The following ZSWIM6 variants were observed in gnomAD, a reference collection of about 807,000 sequenced individuals.
ZSWIM6 encodes zinc finger SWIM domain-containing protein 6.
In ZSWIM6, 9 loss-of-function variants were observed where a neutral mutation model predicts 113.2. The ratio of observed to expected loss-of-function variants is 0.08; its 90% CI spans 0.05 to 0.14. ZSWIM6 has a LOEUF of 0.14. ZSWIM6 is among the 10% of genes least tolerant of loss of function. The probability of loss-of-function intolerance (pLI) is 1.00; values close to 1 mark genes in which losing one functional copy is unlikely to be tolerated. For synonymous variants in ZSWIM6, 611 were observed against 606.5 expected, an observed-to-expected ratio of 1.01 and a Z score of -0.11; for missense variants, 1,162 against 1,552.2, an observed-to-expected ratio of 0.75 and a Z score of 4.22.
rs1029387782 is a variant in ZSWIM6, at chr5:61,494,526, C to T, written c.1333+116C>T. 17 of 1,327,830 alleles carry T rather than the reference C, an allele frequency of 1.3e-5. 1 individual carries two copies. Among genetic ancestry groups the T allele is most frequent in the South Asian group, 2.8e-5 (2 of 71,716 alleles). The allele number at this position is 1,327,830 out of a possible 1,614,324, so 82.3% of individuals were successfully genotyped here. On this transcript the variant is annotated intron_variant, in intron 4 of 13. Transcript: ENST00000252744. ...AAGAGAGAGCTGCTCATGCATGGAA[C>T]GTGTTGCCAATATATAGGTTAGAAG...
intron 1 of ZSWIM6, among the ~76,000 whole-genome samples, chr5:61,341,751 A>G (rs1366769554): frequency 6.6e-6 from 1 of 152,088 alleles, no homozygotes; most frequent in African/African-American, 2.4e-5. Flanking sequence ...GTTTTTGTCA[A>G]CGTGCCTCCT....
intron 1 of ZSWIM6, among the ~76,000 whole-genome samples, chr5:61,420,690 C>T (rs1241748272): frequency 6.6e-6 from 1 of 151,868 alleles, no homozygotes; most frequent in African/African-American, 2.4e-5. Context: ...TTTGTGGGTA[C>T]ATAGTGAGTA....
At chr5:61,523,352 G>A (rs1284757259) in intron 5 of ZSWIM6, among the ~76,000 whole-genome samples, 1 of 152,206 alleles carries the variant, frequency 6.6e-6, no homozygotes, top group African/African-American at 2.4e-5. Flanking sequence ...TCCAGGCTCT[G>A]CCTCTGCTGA....
At chr5:61,392,276 T>C (rs1212741080) in intron 1 of ZSWIM6, among the ~76,000 whole-genome samples, 1 of 152,258 alleles carries the variant, frequency 6.6e-6, no homozygotes, top group Non-Finnish European at 1.5e-5. Context: ...CCAAACTGGC[T>C]ACAGACATGC....
chr5:61,417,011 A>G (rs926543361), intron 1 of ZSWIM6, among the ~76,000 whole-genome samples: 2 of 152,162 alleles, frequency 1.3e-5, no homozygotes, highest in African/African-American at 4.8e-5. Context: ...GCGTAGTGGC[A>G]CATGCTTGTA....
At chr5:61,343,081 T>TAAATTAAATATCTCATTAAA (rs1343773824) in intron 1 of ZSWIM6, among the ~76,000 whole-genome samples, 1 of 152,228 alleles carries the variant, frequency 6.6e-6, no homozygotes, top group Admixed American at 6.5e-5. Flanking sequence ...ATATCTCATT[T>TAAATTAAATATCTCATTAAA]TAAGGTCCTT....
intron 2 of ZSWIM6, among the ~76,000 whole-genome samples, chr5:61,489,474 A>T (rs1310502947): frequency 6.6e-6 from 1 of 152,076 alleles, no homozygotes; most frequent in African/African-American, 2.4e-5. Flanking sequence ...CAGTTTTAAA[A>T]ATTGTGACAA....
At chr5:61,516,670 C>A (rs1748953437) in intron 4 of ZSWIM6, among the ~76,000 whole-genome samples, 1 of 151,340 alleles carries the variant, frequency 6.6e-6, no homozygotes. Flanking sequence ...TAAATTCTTG[C>A]TTTTAACCAT....
intron 2 of ZSWIM6, among the ~76,000 whole-genome samples, chr5:61,485,064 A>G (rs534322854): frequency 3.5e-4 from 53 of 152,242 alleles, no homozygotes; most frequent in Admixed American, 6.5e-4. Flanking sequence ...GGGAAAATGT[A>G]TATGTGCATT....
intron 1 of ZSWIM6, among the ~76,000 whole-genome samples, chr5:61,400,129 G>A (rs181208511): frequency 4.3e-4 from 66 of 152,248 alleles, no homozygotes; most frequent in African/African-American, 1.4e-3. Flanking sequence ...GTGGGGAACC[G>A]TTGGTTTTCA....
intron 1 of ZSWIM6, among the ~76,000 whole-genome samples, chr5:61,436,617 A>G (rs1370843239): frequency 5.3e-5 from 8 of 152,348 alleles, no homozygotes; most frequent in Non-Finnish European, 1.2e-4. Flanking sequence ...TTTCACAACA[A>G]ATACTTATTG....
intron 10 of ZSWIM6, among the ~76,000 whole-genome samples, chr5:61,537,230 G>C (rs890204259): frequency 1.3e-5 from 2 of 152,200 alleles, no homozygotes; most frequent in African/African-American, 4.8e-5. Flanking sequence ...ATTTGTCCTT[G>C]GTTGCTGCCA....
chr5:61,360,103 C>T (rs1745002280), intron 1 of ZSWIM6, among the ~76,000 whole-genome samples: 2 of 152,108 alleles, frequency 1.3e-5, no homozygotes, highest in South Asian at 4.1e-4. Context: ...TCCACTGCTG[C>T]ATAAAGTGCA....
At chr5:61,423,368 A>G (rs1206922238) in intron 1 of ZSWIM6, among the ~76,000 whole-genome samples, 2 of 150,418 alleles carry the variant, frequency 1.3e-5, no homozygotes, top group Non-Finnish European at 1.5e-5. Flanking sequence ...AGATCGTGCT[A>G]TTGCATTCCA....
chr5:61,455,819 T>TC (rs1300848209), intron 1 of ZSWIM6, among the ~76,000 whole-genome samples: 6 of 64,936 alleles, frequency 9.2e-5, no homozygotes, highest in South Asian at 7.1e-4. Context: ...CCGCCTTCTC[T>TC]CCCCCCGCCC....
At chr5:61,450,795 G>A (rs894504397) in intron 1 of ZSWIM6, among the ~76,000 whole-genome samples, 1 of 152,134 alleles carries the variant, frequency 6.6e-6, no homozygotes, top group Non-Finnish European at 1.5e-5. Context: ...GCAGGGATAA[G>A]CCCGTGCTCA....
At chr5:61,362,657 G>T (rs1386185545) in intron 1 of ZSWIM6, among the ~76,000 whole-genome samples, 1 of 152,124 alleles carries the variant, frequency 6.6e-6, no homozygotes, top group Non-Finnish European at 1.5e-5. Context: ...ATCGTCTAAG[G>T]CTGGGCACTT....
intron 1 of ZSWIM6, among the ~76,000 whole-genome samples, chr5:61,443,362 A>G (rs1418858741): frequency 6.6e-6 from 1 of 152,240 alleles, no homozygotes; most frequent in Non-Finnish European, 1.5e-5. Flanking sequence ...AATCACATTC[A>G]ATTCTGGAAT....
Position 61,521,406 on chromosome 5 carries a change from AC to A in ZSWIM6, c.1479del (p.Asn494MetfsTer93). On this transcript the variant is annotated frameshift_variant, in exon 5 of 14. Transcript: ENST00000252744. LOFTEE classifies it high-confidence loss of function. ...GNHGSELPNL[T>X]NALPQGANAN... Reference sequence around the variant, plus strand: ...TCATGGCAGTGAATTACCCAACTTAACCAATGCTCTGCCTCAGGGTGCAAAT... The same window carrying A: ...TCATGGCAGTGAATTACCCAACTTAACAATGCTCTGCCTCAGGGTGCAAAT... 1 of 1,526,438 alleles carries A rather than the reference AC, an allele frequency of 6.6e-7. No individual in the cohort carries two copies. The highest frequency in any genetic ancestry group is 8.8e-7 in the Non-Finnish European group (1 of 1,135,098). The allele number at this position is 1,526,438 out of a possible 1,614,324, so 94.6% of individuals were successfully genotyped here.
Sources: allele counts gnomAD v4.1 joint callset (sites outside exome capture counted in the v4.1 genomes callset), GRCh38; gene constraint gnomAD v4.1.1; transcripts MANE v1.5; gene names NCBI Gene and HGNC (gene_info 2026-07-23, HGNC 2026-07-21).